The following SAMM50 variants were observed in gnomAD, a reference collection of about 807,000 sequenced individuals.
SAMM50 encodes SAMM50 sorting and assembly machinery component.
Under a neutral mutation model 66.9 loss-of-function variants are expected in SAMM50, and 47 were observed. The observed-to-expected ratio is 0.70, with a 90% CI of 0.56 to 0.90. SAMM50 has a LOEUF of 0.90. SAMM50 is among the 40% of genes least tolerant of loss of function. The pLI is 0.00. For synonymous variants in SAMM50, 191 were observed against 214.1 expected, an observed-to-expected ratio of 0.89 and a Z score of 0.94; for missense variants, 535 against 595.3, an observed-to-expected ratio of 0.90 and a Z score of 1.05.
chr22:43,992,014 G>A (rs543846545), intron 14 of SAMM50, among the ~76,000 whole-genome samples: 51 of 151,870 alleles, frequency 3.4e-4, no homozygotes, highest in African/African-American at 1.0e-3. Context: ...TGTTCATACT[G>A]TCTCTTATTT....
intron 4 of SAMM50, among the ~76,000 whole-genome samples, chr22:43,969,618 G>C (rs1364788448): frequency 6.6e-6 from 1 of 152,240 alleles, no homozygotes; most frequent in Non-Finnish European, 1.5e-5. Context: ...GGATCAGAGA[G>C]GGTGTCCCTG....
rs190103724 is a variant in SAMM50 at position 43,955,453 on chromosome 22, T to C, written c.-125T>C. The stretch of plus-strand genomic sequence containing the variant: ...TCATGGCCGCCCCCAGTGTTCCGCG[T>C]CCGGGGGTTTGTGGGAGTTGCCTTG... On this transcript the variant is annotated 5_prime_UTR_variant, in exon 1 of 15. Transcript: ENST00000350028. The C allele has an allele frequency of 4.5e-4, 502 of 1,126,360 alleles. No individual in the cohort carries two copies. The African/African-American group carries it at 7.1e-3, about 16-fold the overall frequency. The allele number at this position is 1,126,360 out of a possible 1,614,324, so 69.8% of individuals were successfully genotyped here.
intron 1 of SAMM50, among the ~76,000 whole-genome samples, chr22:43,961,100 G>C (rs1290293382): frequency 1.3e-5 from 2 of 152,190 alleles, no homozygotes; most frequent in African/African-American, 4.8e-5. Flanking sequence ...ATACTGGCAG[G>C]TCAGTTACCT....
intron 3 of SAMM50, among the ~76,000 whole-genome samples, chr22:43,966,978 T>C (rs1259010056): frequency 6.6e-6 from 1 of 152,216 alleles, no homozygotes. Flanking sequence ...GCTTTGTTAT[T>C]TGCCTTTGAA....
intron 4 of SAMM50, among the ~76,000 whole-genome samples, chr22:43,970,357 T>TC (rs1442978130): frequency 6.6e-6 from 1 of 152,128 alleles, no homozygotes; most frequent in Non-Finnish European, 1.5e-5. Flanking sequence ...TGGTGTAGTT[T>TC]CCCCCCGTGG....
At chr22:43,970,472 C>T (rs981716866) in intron 4 of SAMM50, among the ~76,000 whole-genome samples, 12 of 152,172 alleles carry the variant, frequency 7.9e-5, no homozygotes, top group Non-Finnish European at 1.6e-4. Context: ...AGAGGGCTTA[C>T]CCCTCCCTTT....
chr22:43,986,316 A>C (rs1569034655), intron 12 of SAMM50: 1 of 152,034 alleles, frequency 6.6e-6, no homozygotes, highest in Non-Finnish European at 1.5e-5. Flanking sequence ...CTGGGATTAC[A>C]GGTGTGAGCC....
rs530306107 is a variant in SAMM50, at chr22:43,969,152, G to T, written c.322+334G>T. 8.5e-5 allele frequency among the ~76,000 whole-genome samples: 13 copies of T among 152,278 alleles called. No individual in the cohort carries two copies. In the South Asian group the frequency reaches 2.7e-3, roughly 32 times the overall value. ...CCGGGGAGGAGTGGTGAACTTTGAA[G>T]ATACTGTTGTGTGAAGCCCTGGACT... On this transcript the variant is annotated intron_variant, in intron 4 of 14. Transcript: ENST00000350028.
At position 43,992,797 on chromosome 22, in the gene SAMM50, G is replaced by A. The variant is rs138900193; in HGVS notation, c.1364+2391G>A. ...CTGCTCTGCTGCTGATACACCCGGC[G>A]TGGCCAGCCCCTCACACAAGGGAAC... On this transcript the variant is annotated intron_variant, in intron 14 of 14. Transcript: ENST00000350028. 4.3e-3 allele frequency among the ~76,000 whole-genome samples: 658 copies of A among 152,340 alleles called. 5 individuals carry two copies. Among genetic ancestry groups the A allele is most frequent in the African/African-American group, 0.015 (631 of 41,570 alleles).
intron 4 of SAMM50, among the ~76,000 whole-genome samples, chr22:43,969,223 T>A (rs2050191037): frequency 6.6e-6 from 1 of 152,164 alleles, no homozygotes; most frequent in Admixed American, 6.6e-5. Flanking sequence ...CCAGGCTTCG[T>A]TCACATAGCC....
intron 1 of SAMM50, among the ~76,000 whole-genome samples, chr22:43,960,292 C>T (rs1451430211): frequency 2.6e-5 from 4 of 152,280 alleles, no homozygotes; most frequent in Admixed American, 2.0e-4. Flanking sequence ...CACAAGGACC[C>T]GGTCTTGGTC....
intron 3 of SAMM50, among the ~76,000 whole-genome samples, chr22:43,966,974 T>C (rs1309872021): frequency 1.3e-5 from 2 of 152,180 alleles, no homozygotes; most frequent in Non-Finnish European, 2.9e-5. Context: ...TCCTGCTTTG[T>C]TATTTGCCTT....
Position 43,967,943 on chromosome 22 carries a change from C to T in SAMM50, c.235-788C>T, listed in dbSNP as rs150023692. ...AGTGGTTAGAGATGGTTAGAAAGGC[C>T]GGGCGTGGTGGCTCATGCCTGTAGT... On this transcript the variant is annotated intron_variant, in intron 3 of 14. Coordinates refer to ENST00000350028, the MANE Select transcript of SAMM50 (RefSeq NM_015380.5). 5.0e-3 allele frequency among the ~76,000 whole-genome samples: 756 copies of T among 152,122 alleles called. 10 individuals carry two copies. The highest frequency in any genetic ancestry group is 0.017 in the African/African-American group (722 of 41,506).
intron 10 of SAMM50, among the ~76,000 whole-genome samples, chr22:43,980,346 T>C (rs2050258969): frequency 6.8e-6 from 1 of 147,026 alleles, no homozygotes; most frequent in South Asian, 2.3e-4. Context: ...GAGGAGGCGG[T>C]GACAAGTGTT....
chr22:43,987,107 G>A (rs530866667), intron 12 of SAMM50: 68 of 152,338 alleles, frequency 4.5e-4, no homozygotes, highest in African/African-American at 1.6e-3. Flanking sequence ...AGTAAGGCAT[G>A]CTGGTGTTCC....
chr22:43,968,302 A>C (rs2050185097), intron 3 of SAMM50, among the ~76,000 whole-genome samples: 1 of 152,120 alleles, frequency 6.6e-6, no homozygotes. Flanking sequence ...GAAAATTGAA[A>C]CACCACAAGA....
At chr22:43,967,220 C>T (rs566105843) in intron 3 of SAMM50, among the ~76,000 whole-genome samples, 2 of 152,338 alleles carry the variant, frequency 1.3e-5, no homozygotes, top group South Asian at 4.1e-4. Flanking sequence ...TGCTGTCTTT[C>T]TAGCCAGCTC....
intron 4 of SAMM50, among the ~76,000 whole-genome samples, chr22:43,971,193 G>A (rs2050201859): frequency 6.6e-6 from 1 of 152,130 alleles, no homozygotes; most frequent in Non-Finnish European, 1.5e-5. Context: ...ACAGTACTGA[G>A]GCTCCACCCT....
chr22:43,956,708 G>A (rs150963643), intron 1 of SAMM50, among the ~76,000 whole-genome samples: 344 of 152,320 alleles, frequency 2.3e-3, no homozygotes, highest in Middle Eastern at 0.017. Flanking sequence ...TGGTGGAAGA[G>A]TGAAGGGTGA....
Sources: allele counts gnomAD v4.1 joint callset (sites outside exome capture counted in the v4.1 genomes callset), GRCh38; gene constraint gnomAD v4.1.1; transcripts MANE v1.5; gene names NCBI Gene and HGNC (gene_info 2026-07-23, HGNC 2026-07-21).